Variants in NEK11 observed in about 807,000 individuals in gnomAD.
NEK11 encodes serine/threonine-protein kinase Nek11.
In NEK11, 72 loss-of-function variants were observed where a neutral mutation model predicts 80.7. That is an observed-to-expected ratio of 0.89 (90% CI 0.74 to 1.08). The LOEUF is 1.08. NEK11 is among the 50% of genes least tolerant of loss of function. The pLI is 0.00. For synonymous variants in NEK11, 251 were observed against 260.7 expected (o/e 0.96, Z 0.36); for missense variants, 764 against 763.6 (o/e 1.00, Z -0.01).
chr3:131,176,436 C>T (rs1012790881), intron 14 of NEK11, among the ~76,000 whole-genome samples: 2 of 152,190 alleles, frequency 1.3e-5, no homozygotes, highest in Non-Finnish European at 2.9e-5. Flanking sequence ...GTTACATTTG[C>T]ATTTCATAAT....
intron 17 of NEK11, among the ~76,000 whole-genome samples, chr3:131,281,892 T>C (rs1435662365): frequency 6.6e-6 from 1 of 152,184 alleles, no homozygotes; most frequent in African/African-American, 2.4e-5. Flanking sequence ...GTATATTTTT[T>C]GGAATTTAGG....
intron 14 of NEK11, among the ~76,000 whole-genome samples, chr3:131,188,235 C>G (rs1579836425): frequency 6.6e-6 from 1 of 151,926 alleles, no homozygotes; most frequent in Non-Finnish European, 1.5e-5. Context: ...TATTTTGGCT[C>G]CTTTGTGATT....
intron 7 of NEK11, among the ~76,000 whole-genome samples, chr3:131,136,710 A>C (rs1415226202): frequency 6.6e-6 from 1 of 152,178 alleles, no homozygotes; most frequent in Non-Finnish European, 1.5e-5. Flanking sequence ...AGGTTCCAAA[A>C]GTTTATAAAG....
intron 4 of NEK11, among the ~76,000 whole-genome samples, chr3:131,087,589 A>G (rs2076170211): frequency 1.3e-5 from 2 of 152,158 alleles, no homozygotes; most frequent in Non-Finnish European, 2.9e-5. Flanking sequence ...TGAGGCAAGT[A>G]CTTTCCGAAC....
chr3:131,239,161 G>C (rs1399489702), intron 15 of NEK11, among the ~76,000 whole-genome samples: 1 of 151,842 alleles, frequency 6.6e-6, no homozygotes, highest in African/African-American at 2.4e-5. Context: ...GGAGGGAAGA[G>C]GAAGAGGGTT....
At chr3:131,237,429 T>C (rs2095448917) in intron 15 of NEK11, among the ~76,000 whole-genome samples, 1 of 152,216 alleles carries the variant, frequency 6.6e-6, no homozygotes, top group Admixed American at 6.6e-5. Flanking sequence ...ACTGGGTATA[T>C]GGTAGTGAAC....
At position 131,114,732 on chromosome 3, in the gene NEK11, T is replaced by C. The variant is rs74723761; in HGVS notation, c.455+4811T>C. On this transcript the variant is annotated intron_variant, in intron 5 of 17. Coordinates refer to ENST00000383366, the MANE Select transcript of NEK11 (RefSeq NM_024800.5). ...TACTTGGGAACAAGAATAAGTCTAC[T>C]ACAATGTTTCACTCAGCTTTAGACT... Among the ~76,000 whole-genome samples, 99 of 152,368 alleles carry C rather than the reference T, an allele frequency of 6.5e-4. No individual in the cohort carries two copies. In the East Asian group the frequency reaches 0.018, roughly 27 times the overall value.
intron 4 of NEK11, among the ~76,000 whole-genome samples, chr3:131,102,202 G>A (rs944058298): frequency 5.3e-5 from 8 of 152,122 alleles, no homozygotes; most frequent in Non-Finnish European, 1.5e-5. Flanking sequence ...TTATTAATAT[G>A]TGAGATATTG....
At chr3:131,237,358 A>T (rs2095447396) in intron 15 of NEK11, among the ~76,000 whole-genome samples, 1 of 152,166 alleles carries the variant, frequency 6.6e-6, no homozygotes, top group South Asian at 2.1e-4. Context: ...TAGAAATGCA[A>T]CATAGATGAG....
chr3:131,102,627 G>T lies in NEK11; in HGVS notation c.337-7176G>T, dbSNP rs1047210409. 3.9e-5 allele frequency among the ~76,000 whole-genome samples: 6 copies of T among 152,120 alleles called. No individual in the cohort carries two copies. In the South Asian group the frequency reaches 1.2e-3, roughly 32 times the overall value. Reference sequence around the variant, plus strand: ...AGATTTTTTCTTTTACCTTGACCTTGGTGAATCTGATGACTATGTGCCTTG... The same window carrying T: ...AGATTTTTTCTTTTACCTTGACCTTTGTGAATCTGATGACTATGTGCCTTG... On this transcript the variant is annotated intron_variant, in intron 4 of 17. Coordinates refer to ENST00000383366, the MANE Select transcript of NEK11 (RefSeq NM_024800.5).
At chr3:131,297,757 G>A (rs1410027813) in intron 17 of NEK11, among the ~76,000 whole-genome samples, 1 of 152,138 alleles carries the variant, frequency 6.6e-6, no homozygotes, top group Non-Finnish European at 1.5e-5. Context: ...GTCCTGAATG[G>A]TAATGCCTAG....
At chr3:131,201,151 C>G (rs2094211070) in intron 14 of NEK11, among the ~76,000 whole-genome samples, 1 of 149,696 alleles carries the variant, frequency 6.7e-6, no homozygotes, top group South Asian at 2.1e-4. Context: ...AACCATTAAA[C>G]CAGATAAGCC....
intron 14 of NEK11, among the ~76,000 whole-genome samples, chr3:131,205,447 A>T (rs977490573): frequency 1.2e-4 from 18 of 152,174 alleles, no homozygotes; most frequent in African/African-American, 4.3e-4. Context: ...AAAAGGCTCC[A>T]GTATAGCAGT....
chr3:131,274,847 G>A (rs558790950), intron 17 of NEK11, among the ~76,000 whole-genome samples: 1 of 151,422 alleles, frequency 6.6e-6, no homozygotes, highest in African/African-American at 2.4e-5. Context: ...TAGAGACGGG[G>A]TTTCACCTTG....
At chr3:131,131,183 C>T (rs1405359547) in intron 5 of NEK11, among the ~76,000 whole-genome samples, 3 of 152,138 alleles carry the variant, frequency 2.0e-5, no homozygotes, top group Admixed American at 6.5e-5. Context: ...TTTTAGTTTT[C>T]TTTTCTTGTA....
intron 17 of NEK11, among the ~76,000 whole-genome samples, chr3:131,336,969 G>A (rs530553331): frequency 2.0e-5 from 3 of 151,954 alleles, no homozygotes; most frequent in Non-Finnish European, 2.9e-5. Flanking sequence ...GAAACAACAG[G>A]TGCTGGAGAG....
intron 4 of NEK11, among the ~76,000 whole-genome samples, chr3:131,098,244 G>T (rs1198536677): frequency 1.3e-5 from 2 of 152,086 alleles, no homozygotes; most frequent in Non-Finnish European, 2.9e-5. Context: ...CATAGGCATG[G>T]GCAAGGACTT....
At position 131,347,831 on chromosome 3, in the gene NEK11, C is replaced by T. The variant is rs979396698; in HGVS notation, c.1719-1726C>T. Among the ~76,000 whole-genome samples the T allele has an allele frequency of 1.5e-4, 23 of 151,546 alleles. 1 individual carries two copies. The highest frequency in any genetic ancestry group is 3.4e-4 in the African/African-American group (14 of 41,214). ...GCAGGCACCTGTAATCCCAGCTACT[C>T]GGGAGGCTGAGGCAGGAGAATCGCT... On this transcript the variant is annotated intron_variant, in intron 17 of 17. Coordinates refer to ENST00000383366, the MANE Select transcript of NEK11 (RefSeq NM_024800.5).
At chr3:131,189,196 T>G (rs905658702) in intron 14 of NEK11, among the ~76,000 whole-genome samples, 3 of 152,166 alleles carry the variant, frequency 2.0e-5, no homozygotes, top group Non-Finnish European at 4.4e-5. Context: ...GCCCTGATTT[T>G]GGACTTCTGA....
Sources: allele counts gnomAD v4.1 joint callset (sites outside exome capture counted in the v4.1 genomes callset), GRCh38; gene constraint gnomAD v4.1.1; transcripts MANE v1.5; gene names NCBI Gene and HGNC (gene_info 2026-07-23, HGNC 2026-07-21).